Variants in HSD17B12 observed in about 807,000 individuals in gnomAD.
HSD17B12 encodes the protein very-long-chain 3-oxoacyl-CoA reductase.
A neutral mutation model predicts 39.3 loss-of-function variants in HSD17B12; 32 were observed. The ratio of observed to expected loss-of-function variants is 0.81; its 90% CI spans 0.61 to 1.09. The LOEUF is 1.09. Ranked by LOEUF, HSD17B12 falls within the 50% of genes least tolerant of loss-of-function variation. HSD17B12 has a pLI of 0.00. For synonymous variants in HSD17B12, 150 were observed against 146.7 expected, an observed-to-expected ratio of 1.02 and a Z score of -0.16; for missense variants, 342 against 382.9, an observed-to-expected ratio of 0.89 and a Z score of 0.89.
intron 3 of HSD17B12, among the ~76,000 whole-genome samples, chr11:43,792,497 G>A (rs1950876782): frequency 6.6e-6 from 1 of 152,036 alleles, no homozygotes; most frequent in Non-Finnish European, 1.5e-5. Context: ...AGGGAGATTG[G>A]TACATGACTA....
chr11:43,763,619 AT>A (rs1950572275), intron 3 of HSD17B12, among the ~76,000 whole-genome samples: 1 of 148,060 alleles, frequency 6.8e-6, no homozygotes, highest in Non-Finnish European at 1.5e-5. Flanking sequence ...TCTTATATAT[AT>A]ATATATCTTA....
chr11:43,707,369 T>C (rs1361530598), intron 1 of HSD17B12, among the ~76,000 whole-genome samples: 1 of 152,160 alleles, frequency 6.6e-6, no homozygotes, highest in Non-Finnish European at 1.5e-5. Context: ...TTGCATAGGA[T>C]GATGGTTAGG....
intron 10 of HSD17B12, 64 bp from the exon 11 acceptor site, chr11:43,855,080 T>A: frequency 4.9e-6 from 6 of 1,228,368 alleles, no homozygotes; most frequent in Non-Finnish European, 7.0e-6. Context: ...CATTAAATCA[T>A]ATGCTTCAAT....
intron 3 of HSD17B12, among the ~76,000 whole-genome samples, chr11:43,785,626 TGGA>T (rs767396503): frequency 2.8e-4 from 43 of 152,316 alleles, no homozygotes; most frequent in African/African-American, 6.7e-4. Context: ...GATGCGTAGT[TGGA>T]GAAGAGAAAG....
the HSD17B12 span, among the ~76,000 whole-genome samples, chr11:43,668,419 C>T: frequency 1.3e-5 from 2 of 152,136 alleles, no homozygotes; most frequent in African/African-American, 4.8e-5. Context: ...TTAGATTAGG[C>T]TCATCTGGGT....
chr11:43,614,583 T>G, the HSD17B12 span, among the ~76,000 whole-genome samples: 1 of 152,182 alleles, frequency 6.6e-6, no homozygotes, highest in Non-Finnish European at 1.5e-5. Context: ...ATCTTTTTCA[T>G]AAAATGTAGG....
chr11:43,617,164 T>G, the HSD17B12 span, among the ~76,000 whole-genome samples: 439 of 152,250 alleles, frequency 2.9e-3, no homozygotes, highest in Non-Finnish European at 5.0e-3. Flanking sequence ...ACCAGTACTG[T>G]CTTTTGATGG....
chr11:43,828,630 G>C (rs1951275241), intron 6 of HSD17B12, among the ~76,000 whole-genome samples: 1 of 152,040 alleles, frequency 6.6e-6, no homozygotes, highest in Admixed American at 6.6e-5. Flanking sequence ...AATTTTTCTG[G>C]TGCAGCAATT....
the HSD17B12 span, among the ~76,000 whole-genome samples, chr11:43,562,168 G>A: frequency 6.6e-6 from 1 of 152,226 alleles, no homozygotes. Context: ...AGATAAGTAA[G>A]TGATACATGT....
At chr11:43,589,587 C>CCA in the HSD17B12 span, among the ~76,000 whole-genome samples, 1 of 152,146 alleles carries the variant, frequency 6.6e-6, no homozygotes, top group Non-Finnish European at 1.5e-5. Context: ...ACATTTAAAC[C>CCA]CACAGTCTAT....
intron 3 of HSD17B12, among the ~76,000 whole-genome samples, chr11:43,795,684 A>G (rs1950910520): frequency 6.6e-6 from 1 of 152,212 alleles, no homozygotes; most frequent in African/African-American, 2.4e-5. Flanking sequence ...GCCCTCCAGG[A>G]AAGGAGCCAG....
intron 4 of HSD17B12, among the ~76,000 whole-genome samples, chr11:43,799,566 A>C (rs902278149): frequency 6.6e-5 from 10 of 152,210 alleles, no homozygotes; most frequent in Admixed American, 1.3e-4. Flanking sequence ...TTCTAGAAAG[A>C]AACAGGGCAT....
chr11:43,810,090 G>A (rs1486037293), intron 4 of HSD17B12, among the ~76,000 whole-genome samples: 1 of 152,022 alleles, frequency 6.6e-6, no homozygotes, highest in African/African-American at 2.4e-5. Flanking sequence ...GTGATCTGTA[G>A]GGGGTTACCC....
At chr11:43,713,971 G>T (rs1418859972) in intron 1 of HSD17B12, among the ~76,000 whole-genome samples, 1 of 151,934 alleles carries the variant, frequency 6.6e-6, no homozygotes, top group Non-Finnish European at 1.5e-5. Context: ...TGTTGATGGG[G>T]TTGCTTTTTT....
chr11:43,681,832 C>T (rs187215091), intron 1 of HSD17B12, among the ~76,000 whole-genome samples: 1 of 143,148 alleles, frequency 7.0e-6, no homozygotes, highest in East Asian at 2.0e-4. Context: ...GCTCCCCCCC[C>T]CCTTTTTTTT....
chr11:43,575,012 C>T, the HSD17B12 span, among the ~76,000 whole-genome samples: 1 of 152,222 alleles, frequency 6.6e-6, no homozygotes, highest in Non-Finnish European at 1.5e-5. The surrounding 1 kb of genome is among the most constrained non-coding windows in gnomAD (Gnocchi z 4.1). Flanking sequence ...CCTCTGGGCG[C>T]TCCCCACCGC....
rs566409521 is a variant in HSD17B12 at position 43,845,954 on chromosome 11, C to T, written c.684+5890C>T. Among the ~76,000 whole-genome samples, 9 of 152,284 alleles carry T rather than the reference C, an allele frequency of 5.9e-5. No homozygotes were observed. The South Asian group carries it at 1.2e-3, about 21-fold the overall frequency. On this transcript the variant is annotated intron_variant, in intron 9 of 10. Coordinates refer to ENST00000278353, the MANE Select transcript of HSD17B12 (RefSeq NM_016142.3). ...TTCCTGAAGCCCTGCCTGGATATTT[C>T]GTCATTTCAAAATGAAAAGTCACAG...
At chr11:43,575,183 C>T in the HSD17B12 span, among the ~76,000 whole-genome samples, 1 of 152,238 alleles carries the variant, frequency 6.6e-6, no homozygotes, top group East Asian at 1.9e-4. This position sits in a 1 kb window ranked among gnomAD's most constrained non-coding sequence, Gnocchi z 4.1. Flanking sequence ...CTGTCCGTCT[C>T]TCTGTAACTC....
intron 9 of HSD17B12, among the ~76,000 whole-genome samples, chr11:43,847,733 A>AAAAG (rs1187138248): frequency 6.6e-6 from 1 of 150,866 alleles, no homozygotes; most frequent in East Asian, 2.0e-4. Context: ...AAAAAAAAAA[A>AAAAG]GAGAAATCCT....
Sources: gnomAD v4.1 joint callset for allele counts (sites outside exome capture counted in the v4.1 genomes callset) on GRCh38, gnomAD v4.1.1 for gene constraint, Gnocchi (gnomAD v3.1) non-coding constraint, MANE v1.5 for transcripts, NCBI Gene and HGNC (gene_info 2026-07-23, HGNC 2026-07-21) for gene names.